Variants in LRP1B observed in about 807,000 individuals in gnomAD.
LRP1B encodes low-density lipoprotein receptor-related protein 1B.
A neutral mutation model predicts 556.6 loss-of-function variants in LRP1B; 217 were observed. The observed-to-expected ratio is 0.39, with a 90% CI of 0.35 to 0.44. The LOEUF is 0.44. Among genes scored for constraint, LRP1B ranks in the 20% least tolerant of loss-of-function variants. LRP1B has a pLI of 1.00. For synonymous variants in LRP1B, 2,047 were observed against 1,865.8 expected (o/e 1.10, Z -2.50); for missense variants, 5,053 against 5,620.8 (o/e 0.90, Z 3.23).
chr2:140,270,235 TACTC>T lies in LRP1B; in HGVS notation c.13247+3_13247+6del, dbSNP rs1251279038. On this transcript the variant is annotated splice_donor_5th_base_variant and intron_variant, in intron 86 of 90. Transcript: ENST00000389484. ...ATAAGATGCCCATGACTTGATTAAA[TACTC>T]ACAGACACACAGGTACATTTGTCTC... 5.0e-6 allele frequency: 8 copies of T among 1,603,908 alleles called. No individual in the cohort carries two copies. Among genetic ancestry groups the T allele is most frequent in the Admixed American group, 1.7e-5 (1 of 59,772 alleles).
intron 17 of LRP1B, among the ~76,000 whole-genome samples, chr2:140,983,171 T>C (rs555294580): frequency 6.6e-6 from 1 of 152,286 alleles, no homozygotes; most frequent in African/African-American, 2.4e-5. Context: ...CCTCTGATTT[T>C]CATTTCTTTT....
chr2:141,723,379 T>G (rs1217680273), intron 2 of LRP1B, among the ~76,000 whole-genome samples: 1 of 150,716 alleles, frequency 6.6e-6, no homozygotes, highest in East Asian at 1.9e-4. Flanking sequence ...TAATTTAATA[T>G]AGTTGAAAGA....
intron 86 of LRP1B, 132 bp from the exon 87 acceptor site, chr2:140,247,294 G>A: frequency 1.6e-6 from 1 of 633,736 alleles, no homozygotes; most frequent in Non-Finnish European, 2.9e-6. Context: ...ATTACATAGA[G>A]ATTTCTGATG....
chr2:141,562,071 A>G (rs980052213), intron 2 of LRP1B, among the ~76,000 whole-genome samples: 1 of 151,890 alleles, frequency 6.6e-6, no homozygotes, highest in African/African-American at 2.4e-5. Context: ...GGAATCTACA[A>G]TTTAAATGGA....
intron 17 of LRP1B, among the ~76,000 whole-genome samples, chr2:140,986,681 A>C (rs1333834793): frequency 6.6e-6 from 1 of 152,166 alleles, no homozygotes. Flanking sequence ...CATGTGGATC[A>C]ACTTAGCAAT....
At chr2:141,244,765 T>C (rs1684007866) in intron 5 of LRP1B, among the ~76,000 whole-genome samples, 1 of 152,200 alleles carries the variant, frequency 6.6e-6, no homozygotes, top group Non-Finnish European at 1.5e-5. Context: ...ATGTGACCTT[T>C]AGAACTTGCC....
chr2:140,457,911 G>A (rs1346296467), intron 60 of LRP1B, among the ~76,000 whole-genome samples: 2 of 151,916 alleles, frequency 1.3e-5, no homozygotes, highest in African/African-American at 4.8e-5. Flanking sequence ...ATTAAAGCCT[G>A]CTTCACCAGA....
chr2:141,713,528 G>A (rs1160138241), intron 2 of LRP1B, among the ~76,000 whole-genome samples: 1 of 152,092 alleles, frequency 6.6e-6, no homozygotes, highest in Non-Finnish European at 1.5e-5. Context: ...AAATAGCAAT[G>A]TAATGCCAGA....
At chr2:141,826,364 T>A (rs2105737933) in intron 1 of LRP1B, among the ~76,000 whole-genome samples, 1 of 141,748 alleles carries the variant, frequency 7.1e-6, no homozygotes, top group South Asian at 2.3e-4. Flanking sequence ...GTTTTTTTTT[T>A]TTTTTTTTTT....
At chr2:141,125,854 A>AC (rs72336147) in intron 7 of LRP1B, among the ~76,000 whole-genome samples, 3,308 of 148,980 alleles carry the variant, frequency 0.022, 143 homozygotes, top group African/African-American at 0.079. Flanking sequence ...CAAAAAAAAA[A>AC]AAAAAAACAA....
At chr2:140,309,913 C>A (rs1245719594) in intron 83 of LRP1B, among the ~76,000 whole-genome samples, 3 of 131,048 alleles carry the variant, frequency 2.3e-5, no homozygotes, top group African/African-American at 8.8e-5. Flanking sequence ...CAAATGTTCT[C>A]ACTTCTAAAT....
At chr2:141,563,012 GA>G (rs945912834) in intron 2 of LRP1B, among the ~76,000 whole-genome samples, 1 of 151,970 alleles carries the variant, frequency 6.6e-6, no homozygotes, top group Admixed American at 6.6e-5. Context: ...ATTGGGCTTG[GA>G]AAGGGATGTG....
intron 53 of LRP1B, among the ~76,000 whole-genome samples, chr2:140,505,368 T>C (rs1689365840): frequency 6.6e-6 from 1 of 152,132 alleles, no homozygotes; most frequent in Non-Finnish European, 1.5e-5. Flanking sequence ...CACACCACGC[T>C]CTCTAGCATT....
chr2:142,051,074 T>C (rs998399982), intron 1 of LRP1B, among the ~76,000 whole-genome samples: 4 of 152,024 alleles, frequency 2.6e-5, no homozygotes, highest in African/African-American at 4.8e-5. Flanking sequence ...GTTCAGCTTC[T>C]AAGAATAAGA....
At chr2:140,619,101 AC>A (rs1327276167) in intron 41 of LRP1B, among the ~76,000 whole-genome samples, 31 of 151,542 alleles carry the variant, frequency 2.0e-4, no homozygotes, top group African/African-American at 7.0e-4. Context: ...ACACACACAC[AC>A]ACACACACAC....
chr2:142,107,555 C>A (rs984289674), intron 1 of LRP1B, among the ~76,000 whole-genome samples: 3 of 152,144 alleles, frequency 2.0e-5, no homozygotes, highest in East Asian at 1.9e-4. Flanking sequence ...TTTGTTTCAA[C>A]ACCATAAAAT....
chr2:140,674,701 T>C (rs150074775), intron 41 of LRP1B, among the ~76,000 whole-genome samples: 1,796 of 152,322 alleles, frequency 0.012, 21 homozygotes, highest in Non-Finnish European at 0.02. Flanking sequence ...TGGGCACGTG[T>C]TCTCAGGACC....
At chr2:141,243,393 A>G (rs7560604) in intron 5 of LRP1B, among the ~76,000 whole-genome samples, 83,374 of 152,002 alleles carry the variant, frequency 0.55, 23,621 homozygotes, top group Admixed American at 0.63. Context: ...GAGGTAGAAA[A>G]ATGGCTTAAG....
At chr2:140,950,515 G>T in intron 19 of LRP1B, 113 bp from the exon 20 acceptor site, 4 of 829,578 alleles carry the variant, frequency 4.8e-6, no homozygotes, top group Non-Finnish European at 7.4e-6. Context: ...ACAGAGTCTT[G>T]CTCTGTCACC....
Sources: gnomAD v4.1 joint callset for allele counts (sites outside exome capture counted in the v4.1 genomes callset) on GRCh38, gnomAD v4.1.1 for gene constraint, MANE v1.5 for transcripts, NCBI Gene and HGNC (gene_info 2026-07-23, HGNC 2026-07-21) for gene names.